Variants in PVT1 observed in about 807,000 individuals in gnomAD.
PVT1 encodes the protein Pvt1 oncogene.
chr8:127,930,709 C>T (rs1451360827), intron 3 of PVT1, among the ~76,000 whole-genome samples: 1 of 152,060 alleles, frequency 6.6e-6, no homozygotes, highest in South Asian at 2.1e-4. Flanking sequence ...CTTCGTACCC[C>T]CTCACTGACA....
chr8:127,824,236 G>C (rs1814763259), intron 2 of PVT1, among the ~76,000 whole-genome samples: 2 of 152,194 alleles, frequency 1.3e-5, no homozygotes, highest in African/African-American at 4.8e-5. Flanking sequence ...TAAACTCTCA[G>C]TCAGCTTCTT....
chr8:127,798,383 C>T (rs1475040107), intron 2 of PVT1, among the ~76,000 whole-genome samples: 3 of 151,984 alleles, frequency 2.0e-5, no homozygotes, highest in East Asian at 1.9e-4. Context: ...CCTCACCGTG[C>T]ACCTTAGGCA....
At chr8:127,882,317 G>A (rs1245282314) in intron 2 of PVT1, among the ~76,000 whole-genome samples, 1 of 152,076 alleles carries the variant, frequency 6.6e-6, no homozygotes, top group African/African-American at 2.4e-5. Context: ...GACAGCTGCC[G>A]CTTTCTCTGG....
At chr8:127,923,380 G>GAAGCCTC (rs1816088691) in intron 3 of PVT1, among the ~76,000 whole-genome samples, 7 of 152,122 alleles carry the variant, frequency 4.6e-5, no homozygotes, top group Non-Finnish European at 1.0e-4. Context: ...TGTGAAGCCT[G>GAAGCCTC]TGAGTTGGAT....
At chr8:127,800,313 C>G (rs757857363) in intron 2 of PVT1, among the ~76,000 whole-genome samples, 105 of 152,076 alleles carry the variant, frequency 6.9e-4, no homozygotes, top group Non-Finnish European at 1.1e-3. Context: ...TGCTGGCGAT[C>G]CAGCAGGGAG....
Position 128,012,253 on chromosome 8 carries a change from G to A in PVT1, n.912+22962G>A, listed in dbSNP as rs72720859. On this transcript the variant is annotated intron_variant and non_coding_transcript_variant, in intron 4 of 10. Transcript: ENST00000651587. ...AGTCATTTCTAGACTTGCTAGGAAA[G>A]GCCAAGCCAGGCTTGGACCTGGGTC... 5.7e-3 allele frequency among the ~76,000 whole-genome samples: 861 copies of A among 152,248 alleles called. 15 individuals carry two copies. In the East Asian group the frequency reaches 0.071, roughly 13 times the overall value.
intron 4 of PVT1, among the ~76,000 whole-genome samples, chr8:128,007,124 A>G (rs1817256449): frequency 6.6e-6 from 1 of 152,260 alleles, no homozygotes; most frequent in Admixed American, 6.5e-5. Flanking sequence ...TCAGATTAAA[A>G]GAGACGAAGG....
chr8:127,848,197 A>G (rs1249314833), intron 2 of PVT1, among the ~76,000 whole-genome samples: 1 of 152,200 alleles, frequency 6.6e-6, no homozygotes, highest in Admixed American at 6.5e-5. Flanking sequence ...TTCTTATCAC[A>G]TGTCAAGGTT....
intron 3 of PVT1, among the ~76,000 whole-genome samples, chr8:127,965,308 C>T (rs938721322): frequency 1.3e-5 from 2 of 152,192 alleles, no homozygotes; most frequent in African/African-American, 2.4e-5. Flanking sequence ...AAAAATGTTG[C>T]CCCCTAAGTG....
chr8:127,920,877 A>G (rs1816048331), intron 3 of PVT1, among the ~76,000 whole-genome samples: 1 of 152,232 alleles, frequency 6.6e-6, no homozygotes, highest in African/African-American at 2.4e-5. Context: ...AAAGAAACTG[A>G]AACCAGGAAT....
intron 4 of PVT1, among the ~76,000 whole-genome samples, chr8:128,053,595 C>G (rs1282670122): frequency 6.6e-6 from 1 of 152,044 alleles, no homozygotes; most frequent in Non-Finnish European, 1.5e-5. Context: ...AGATGTTACC[C>G]CTAGGAAACA....
intron 2 of PVT1, among the ~76,000 whole-genome samples, chr8:127,813,392 C>A (rs902817885): frequency 6.6e-6 from 1 of 151,894 alleles, no homozygotes; most frequent in African/African-American, 2.4e-5. Flanking sequence ...TTCTCCTGCT[C>A]TCTGGCTCTG....
chr8:127,846,443 G>A (rs13259137), intron 2 of PVT1, among the ~76,000 whole-genome samples: 80,416 of 152,012 alleles, frequency 0.53, 21,772 homozygotes, highest in Admixed American at 0.65. Flanking sequence ...TTTCTAGAAT[G>A]ATCCTTGCTC....
chr8:127,889,101 CTCCTTCCT>C (rs1815566601), intron 2 of PVT1, among the ~76,000 whole-genome samples: 1 of 121,602 alleles, frequency 8.2e-6, no homozygotes, highest in Non-Finnish European at 1.7e-5. Context: ...CCTTCCTTCC[CTCCTTCCT>C]TCCCTCTCTC....
rs139273077 is a variant in PVT1, at chr8:127,851,459, A to G, written n.373-39130A>G. Among the ~76,000 whole-genome samples, 85 of 152,266 alleles carry G rather than the reference A, an allele frequency of 5.6e-4. 1 individual carries two copies. The highest frequency in any genetic ancestry group is 1.9e-3 in the African/African-American group (80 of 41,556). On this transcript the variant is annotated intron_variant and non_coding_transcript_variant, in intron 2 of 10. Transcript: ENST00000651587. ...GGCCCTCATCTGTACCCTGAGGATA[A>G]TAGTGTGGGCTTTGCAGGCTTTTGG... is the stretch of plus-strand genomic sequence containing the variant.
chr8:127,960,106 C>G lies in PVT1; in HGVS notation n.783-29056C>G, dbSNP rs145665628. On this transcript the variant is annotated intron_variant and non_coding_transcript_variant, in intron 3 of 10. Coordinates refer to ENST00000651587, the Ensembl canonical transcript of PVT1. ...CCCTGATTTCTTTCTGCTTCACTCT[C>G]CCTCTTTTGCTAGAAGGGATCGGCT... Among the ~76,000 whole-genome samples the G allele has an allele frequency of 4.8e-3, 731 of 152,336 alleles. 5 individuals are homozygous for G. The highest frequency in any genetic ancestry group is 0.017 in the African/African-American group (705 of 41,574).
rs1452695166 is a variant in PVT1 at position 127,933,218 on chromosome 8, G to C, written n.782+42220G>C. ...AGCCACTGGAGTAGCTGGGATTACA[G>C]GCATGCGCCACCATATCTGGCTAAT... On this transcript the variant is annotated intron_variant and non_coding_transcript_variant, in intron 3 of 10. Transcript: ENST00000651587. Among the ~76,000 whole-genome samples, 4 of 152,258 alleles carry C rather than the reference G, an allele frequency of 2.6e-5. No individual in the cohort carries two copies. In the East Asian group the frequency reaches 5.8e-4, roughly 22 times the overall value.
chr8:128,041,189 TTGTGTTCGTGTGTTTGCATG>T (rs1465129144), intron 4 of PVT1, among the ~76,000 whole-genome samples: 6 of 144,312 alleles, frequency 4.2e-5, no homozygotes, highest in Non-Finnish European at 6.1e-5. Context: ...TGTTTTGTGC[TTGTGTTCGTGTGTTTGCATG>T]TGTGTTTGTG....
At chr8:127,966,467 A>AGGG (rs1816703855) in intron 3 of PVT1, among the ~76,000 whole-genome samples, 1 of 152,140 alleles carries the variant, frequency 6.6e-6, no homozygotes, top group Non-Finnish European at 1.5e-5. Context: ...TTTCCACTAT[A>AGGG]CCTCTAGGAA....
Sources: gnomAD v4.1 joint callset for allele counts (sites outside exome capture counted in the v4.1 genomes callset) on GRCh38, gnomAD v4.1.1 for gene constraint, MANE v1.5 for transcripts, NCBI Gene and HGNC (gene_info 2026-07-23, HGNC 2026-07-21) for gene names.